The following PLS1 variants were observed in gnomAD, a reference collection of about 807,000 sequenced individuals.
The protein encoded by PLS1 is plastin 1.
In PLS1, 32 loss-of-function variants were observed where a neutral mutation model predicts 73.7. That is an observed-to-expected ratio of 0.43 (90% CI 0.33 to 0.58). The LOEUF (loss-of-function observed/expected upper bound fraction) is 0.58. Ranked by LOEUF, PLS1 falls within the 20% of genes least tolerant of loss-of-function variation. The probability of loss-of-function intolerance (pLI) is 0.04; values close to 1 mark genes in which losing one functional copy is unlikely to be tolerated. For missense variants in PLS1, 633 were observed against 740.5 expected, an observed-to-expected ratio of 0.85 and a Z score of 1.68; for synonymous variants, 217 against 261.3, an observed-to-expected ratio of 0.83 and a Z score of 1.63.
chr3:142,620,817 A>G (rs2036300976), intron 1 of PLS1, among the ~76,000 whole-genome samples: 1 of 152,090 alleles, frequency 6.6e-6, no homozygotes, highest in African/African-American at 2.4e-5. Flanking sequence ...TCAGGAGTTC[A>G]AGACCAGCTG....
intron 8 of PLS1, among the ~76,000 whole-genome samples, chr3:142,685,291 C>G (rs938010265): frequency 6.6e-6 from 1 of 152,228 alleles, no homozygotes; most frequent in Non-Finnish European, 1.5e-5. Flanking sequence ...CCAGGCGATG[C>G]AAAGACTCAG....
chr3:142,618,272 C>G (rs1306540120), intron 1 of PLS1, among the ~76,000 whole-genome samples: 3 of 152,158 alleles, frequency 2.0e-5, no homozygotes, highest in Non-Finnish European at 2.9e-5. Context: ...ACCCCCCACC[C>G]TGCTGCATCT....
Position 142,676,240 on chromosome 3 carries a change from C to A in PLS1, c.448C>A (p.Pro150Thr), listed in dbSNP as rs1432667520. 1 of 1,613,106 alleles carries A rather than the reference C, an allele frequency of 6.2e-7. No homozygotes were observed. Among genetic ancestry groups the A allele is most frequent in the Admixed American group, 1.7e-5 (1 of 59,998 alleles). ...PDCKHLIPMNPNDDSLFKSLA... is the reference protein window; with the variant it reads ...PDCKHLIPMNTNDDSLFKSLA... The stretch of plus-strand genomic sequence containing the variant: ...CTGTAAGCATCTTATACCCATGAAT[C>A]CCAATGATGATAGTCTTTTCAAGTC... The change falls in exon 5 of 16, where the codon CCC becomes ACC. Residue 150 changes from proline (P) to threonine (T), a missense_variant. By Grantham distance (38) the Pro-to-Thr change is conservative. Coordinates refer to ENST00000457734, the MANE Select transcript of PLS1 (RefSeq NM_001145319.2).
intron 3 of PLS1, 66 bp downstream of exon 3, chr3:142,669,619 C>T: frequency 3.7e-6 from 4 of 1,088,640 alleles, no homozygotes; most frequent in Non-Finnish European, 5.2e-6. Flanking sequence ...GTAATGTCAT[C>T]ACTAGCTTTG....
intron 2 of PLS1, among the ~76,000 whole-genome samples, chr3:142,668,905 C>G (rs6440101): frequency 0.044 from 6,751 of 151,986 alleles, 502 homozygotes; most frequent in African/African-American, 0.15. Context: ...CCTGGCCCCC[C>G]CCATGCTTAT....
chr3:142,689,577 A>G, intron 9 of PLS1, 41 bp from the exon 10 acceptor site: 1 of 1,299,090 alleles, frequency 7.7e-7, no homozygotes. Context: ...AATTATGCCA[A>G]TTAAAACTTC....
chr3:142,637,561 T>G (rs2036721340), intron 1 of PLS1, among the ~76,000 whole-genome samples: 1 of 152,176 alleles, frequency 6.6e-6, no homozygotes, highest in Non-Finnish European at 1.5e-5. Context: ...AAAAATCAAT[T>G]TATAGTTTAG....
chr3:142,654,053 T>C (rs888806099), intron 1 of PLS1, among the ~76,000 whole-genome samples: 2 of 152,168 alleles, frequency 1.3e-5, no homozygotes, highest in African/African-American at 4.8e-5. Flanking sequence ...AAGTAAATAG[T>C]AGAAAAGTCT....
intron 1 of PLS1, among the ~76,000 whole-genome samples, chr3:142,641,727 T>A (rs2036845603): frequency 6.6e-6 from 1 of 152,096 alleles, no homozygotes; most frequent in Non-Finnish European, 1.5e-5. Flanking sequence ...GCTTTTGCCT[T>A]TGTGAGATCC....
intron 9 of PLS1, among the ~76,000 whole-genome samples, 189 bp from the exon 10 acceptor site, chr3:142,689,429 C>CATACATAAATAAATAA (rs141970064): frequency 6.7e-6 from 1 of 148,480 alleles, no homozygotes; most frequent in African/African-American, 2.5e-5. Context: ...TCTCTAAATA[C>CATACATAAATAAATAA]ATAAATAAAT....
intron 3 of PLS1, among the ~76,000 whole-genome samples, chr3:142,670,646 T>C (rs2037585601): frequency 6.6e-6 from 1 of 152,228 alleles, no homozygotes; most frequent in African/African-American, 2.4e-5. Flanking sequence ...TTTGAGATGT[T>C]CAGGCAGGAA....
intron 1 of PLS1, among the ~76,000 whole-genome samples, chr3:142,625,844 T>C (rs2036414990): frequency 6.6e-6 from 1 of 152,044 alleles, no homozygotes; most frequent in Non-Finnish European, 1.5e-5. Flanking sequence ...TGTTGTGGCA[T>C]ACGCCTGTAG....
intron 1 of PLS1, among the ~76,000 whole-genome samples, chr3:142,641,541 A>G (rs972900009): frequency 6.6e-6 from 1 of 151,682 alleles, no homozygotes; most frequent in African/African-American, 2.4e-5. Flanking sequence ...GAATTTAGAC[A>G]TATTTATTAC....
chr3:142,666,998 C>T lies in PLS1; in HGVS notation c.71-2392C>T, dbSNP rs138148248. 1.4e-4 allele frequency among the ~76,000 whole-genome samples: 21 copies of T among 152,220 alleles called. No homozygotes were observed. In the Middle Eastern group the frequency reaches 0.01, roughly 74 times the overall value. On this transcript the variant is annotated intron_variant, in intron 2 of 15. Transcript: ENST00000457734. ...AATCACGTTGTTTTGTTGTTGTTGT[C>T]GAGTTGTAAGAAAGTCCTGTTTTCT...
intron 1 of PLS1, among the ~76,000 whole-genome samples, chr3:142,622,388 C>G (rs1187443050): frequency 2.0e-5 from 3 of 152,154 alleles, no homozygotes; most frequent in Non-Finnish European, 4.4e-5. Context: ...CCAAAGCCTC[C>G]TCATGTATTT....
intron 12 of PLS1, among the ~76,000 whole-genome samples, chr3:142,702,224 T>C (rs999019822): frequency 1.3e-5 from 2 of 152,208 alleles, no homozygotes; most frequent in Non-Finnish European, 2.9e-5. Flanking sequence ...CAGCTTCTCC[T>C]TGGATTTTAA....
rs71871118 is a variant in PLS1 at position 142,617,146 on chromosome 3, A to ATT, written c.-37+20651_-37+20652dup. Among the ~76,000 whole-genome samples, 229 of 144,622 alleles carry ATT rather than the reference A, an allele frequency of 1.6e-3. 2 individuals carry two copies. Among genetic ancestry groups the ATT allele is most frequent in the African/African-American group, 5.0e-3 (198 of 39,932 alleles). 94.9% of individuals were successfully genotyped at this position (144,622 alleles called of 152,430 possible). On this transcript the variant is annotated intron_variant, in intron 1 of 15. Transcript: ENST00000457734. ...TTTCTAAAATGTTGTGATTAGGAAGATTTTTTTTTTTTTTTGCTTTAGCCA... is the reference window on the plus strand; with the variant it reads ...TTTCTAAAATGTTGTGATTAGGAAGATTTTTTTTTTTTTTTTTGCTTTAGCCA...
chr3:142,691,845 A>G (rs2038092403), intron 10 of PLS1, among the ~76,000 whole-genome samples: 1 of 152,180 alleles, frequency 6.6e-6, no homozygotes, highest in South Asian at 2.1e-4. Context: ...AGGGAATTAA[A>G]TAAAACACAA....
At chr3:142,635,862 T>C (rs1449904087) in intron 1 of PLS1, among the ~76,000 whole-genome samples, 1 of 152,130 alleles carries the variant, frequency 6.6e-6, no homozygotes, top group Non-Finnish European at 1.5e-5. Flanking sequence ...TTTTTGTTTG[T>C]TTGTGTGTGT....
Sources: allele counts gnomAD v4.1 joint callset (sites outside exome capture counted in the v4.1 genomes callset), GRCh38; gene constraint gnomAD v4.1.1; transcripts MANE v1.5; gene names NCBI Gene and HGNC (gene_info 2026-07-23, HGNC 2026-07-21).